Variants in PTPRT observed in about 807,000 individuals in gnomAD.
PTPRT encodes protein tyrosine phosphatase receptor type T, also known as receptor-type tyrosine-protein phosphatase T.
In PTPRT, 56 loss-of-function variants were observed where a neutral mutation model predicts 176.8. The ratio of observed to expected loss-of-function variants is 0.32; its 90% confidence interval spans 0.26 to 0.40. The LOEUF is 0.40. PTPRT is among the 10% of genes least tolerant of loss of function. The pLI is 1.00. For synonymous variants in PTPRT, 783 were observed against 739.0 expected, an observed-to-expected ratio of 1.06 and a Z score of -0.96; for missense variants, 1,540 against 1,908.2, an observed-to-expected ratio of 0.81 and a Z score of 3.60.
At position 42,073,002 on chromosome 20, in the gene PTPRT, T is replaced by C. The variant is rs1052604174; in HGVS notation, c.*7877A>G. ...AAAAAAAACATTGACAGCACAGTGC[T>C]GGCTTTTTTAAAAAGTTGATTTATT... On this transcript the variant is annotated 3_prime_UTR_variant, in exon 31 of 31. Coordinates refer to ENST00000373187, the MANE Select transcript of PTPRT (RefSeq NM_007050.6). The C allele has an allele frequency of 1.8e-5, 4 of 223,748 alleles. No homozygotes were observed. The highest frequency in any genetic ancestry group is 3.6e-5 in the Non-Finnish European group (4 of 111,814). The allele number at this position is 223,748 out of a possible 1,614,324, so 13.9% of individuals were successfully genotyped here.
chr20:42,146,774 T>C (rs949373768), intron 17 of PTPRT, among the ~76,000 whole-genome samples: 1 of 152,202 alleles, frequency 6.6e-6, no homozygotes, highest in Admixed American at 6.5e-5. Flanking sequence ...CAGGATAAAT[T>C]TCAAACTCTT....
At chr20:43,091,688 C>A (rs2011879198) in intron 1 of PTPRT, among the ~76,000 whole-genome samples, 1 of 151,766 alleles carries the variant, frequency 6.6e-6, no homozygotes, top group African/African-American at 2.4e-5. Context: ...AAAAGGAATA[C>A]AAGAATAAAA....
At chr20:42,579,110 C>T (rs966683112) in intron 7 of PTPRT, among the ~76,000 whole-genome samples, 2 of 142,970 alleles carry the variant, frequency 1.4e-5, no homozygotes, top group Admixed American at 7.5e-5. Flanking sequence ...TTCCTGTGTC[C>T]ATGTGTTCTC....
At chr20:42,336,426 T>G (rs2058040423) in intron 11 of PTPRT, among the ~76,000 whole-genome samples, 1 of 151,708 alleles carries the variant, frequency 6.6e-6, no homozygotes, top group Non-Finnish European at 1.5e-5. Flanking sequence ...GGCACAGGAC[T>G]GGGGGAGGGG....
intron 7 of PTPRT, among the ~76,000 whole-genome samples, chr20:42,530,751 C>T (rs560059856): frequency 2.0e-5 from 3 of 152,294 alleles, no homozygotes; most frequent in East Asian, 1.9e-4. Flanking sequence ...GGGAATAGAG[C>T]GGGGAGATTC....
At chr20:42,048,908 G>A in the PTPRT span, among the ~76,000 whole-genome samples, 1 of 152,148 alleles carries the variant, frequency 6.6e-6, no homozygotes, top group Middle Eastern at 3.2e-3. Context: ...TGCAACCTCT[G>A]CCTCCCGGGT....
chr20:42,621,144 A>G (rs184308346), intron 7 of PTPRT, among the ~76,000 whole-genome samples: 1 of 152,216 alleles, frequency 6.6e-6, no homozygotes, highest in East Asian at 1.9e-4. Flanking sequence ...GCCAAACCAT[A>G]TCACCTGCCT....
rs192983568 is a variant in PTPRT at position 42,115,334 on chromosome 20, C to A, written c.2983-19G>T. The A allele has an allele frequency of 6.5e-7, 1 of 1,543,148 alleles. No homozygotes were observed. Among genetic ancestry groups the A allele is most frequent in the Non-Finnish European group, 9.0e-7 (1 of 1,115,972 alleles). On this transcript the variant is annotated intron_variant, in intron 21 of 30. Transcript: ENST00000373187. ...ATTTCACCTGTGGCCAAGTGAGAGA[C>A]AGAGACAGAGACAGAACAGAGACAA...
intron 2 of PTPRT, 142 bp from the exon 3 acceptor site, chr20:42,791,608 C>A (rs2077377469): frequency 1.2e-6 from 1 of 814,810 alleles, no homozygotes; most frequent in Non-Finnish European, 1.9e-6. Flanking sequence ...GGTGACCCTG[C>A]AAAAGCCACA....
Position 42,784,314 on chromosome 20 carries a change from A to G in PTPRT, c.487-4015T>C, listed in dbSNP as rs555070168. ...AATCTTTTATAGTTCTTGAGCAGAA[A>G]ATCTGCATGGCAAAAATTTCAAGGG... On this transcript the variant is annotated intron_variant, in intron 3 of 30. Coordinates refer to ENST00000373187, the MANE Select transcript of PTPRT (RefSeq NM_007050.6). Among the ~76,000 whole-genome samples the G allele has an allele frequency of 2.0e-5, 3 of 152,352 alleles. No homozygotes were observed. The East Asian group carries it at 5.8e-4, about 29-fold the overall frequency.
At chr20:42,913,229 C>T (rs566216606) in intron 1 of PTPRT, among the ~76,000 whole-genome samples, 2 of 152,084 alleles carry the variant, frequency 1.3e-5, no homozygotes, top group East Asian at 1.9e-4. Context: ...GTGGCTTAAA[C>T]GACAGAAAGG....
intron 12 of PTPRT, among the ~76,000 whole-genome samples, chr20:42,309,628 C>T (rs1444548384): frequency 6.6e-6 from 1 of 152,094 alleles, no homozygotes; most frequent in Non-Finnish European, 1.5e-5. Context: ...TTATTTAATC[C>T]TCAAACAGAC....
At chr20:42,337,922 G>T (rs1263214095) in intron 11 of PTPRT, among the ~76,000 whole-genome samples, 1 of 152,128 alleles carries the variant, frequency 6.6e-6, no homozygotes, top group Non-Finnish European at 1.5e-5. Context: ...TGTGATGTCT[G>T]TACCAGCTCC....
intron 7 of PTPRT, among the ~76,000 whole-genome samples, chr20:42,575,639 C>T (rs4812610): frequency 0.98 from 149,246 of 152,256 alleles, 73,166 homozygotes; most frequent in Middle Eastern, 1. Flanking sequence ...GAACATTCAC[C>T]CTACTCAACT....
At chr20:43,144,863 C>T (rs1288863625) in intron 1 of PTPRT, among the ~76,000 whole-genome samples, 1 of 152,240 alleles carries the variant, frequency 6.6e-6, no homozygotes, top group East Asian at 1.9e-4. Flanking sequence ...GCAGCTTCCA[C>T]TGCTCTGGGA....
chr20:42,760,481 T>C lies in PTPRT; in HGVS notation c.685-3845A>G, dbSNP rs556140708. On this transcript the variant is annotated intron_variant, in intron 5 of 30. Coordinates refer to ENST00000373187, the MANE Select transcript of PTPRT (RefSeq NM_007050.6). ...TGTGAGCATAGCTGTAATTAAGCAC[T>C]GCTTCCTATGAAATGTCACTCCATC... is the stretch of plus-strand genomic sequence containing the variant. Among the ~76,000 whole-genome samples, 198 of 149,978 alleles carry C rather than the reference T, an allele frequency of 1.3e-3. 1 individual carries two copies. The highest frequency in any genetic ancestry group is 4.5e-3 in the African/African-American group (184 of 40,908).
At chr20:42,936,770 G>C (rs1452044465) in intron 1 of PTPRT, among the ~76,000 whole-genome samples, 2 of 152,210 alleles carry the variant, frequency 1.3e-5, no homozygotes, top group Non-Finnish European at 2.9e-5. Context: ...GTTAGATGTG[G>C]AGTGTGAAGG....
chr20:42,937,246 C>A (rs206645), intron 1 of PTPRT, among the ~76,000 whole-genome samples: 19 of 152,212 alleles, frequency 1.2e-4, no homozygotes, highest in Non-Finnish European at 2.4e-4. Flanking sequence ...ACTGCTCCTA[C>A]GTTATCCACA....
chr20:42,737,297 C>T (rs573307978), intron 6 of PTPRT, among the ~76,000 whole-genome samples: 63 of 152,084 alleles, frequency 4.1e-4, no homozygotes, highest in Admixed American at 9.8e-4. Context: ...CATTTATAAG[C>T]CAAGGAACAC....
Sources: gnomAD v4.1 joint callset for allele counts (sites outside exome capture counted in the v4.1 genomes callset) on GRCh38, gnomAD v4.1.1 for gene constraint, MANE v1.5 for transcripts, NCBI Gene and HGNC (gene_info 2026-07-23, HGNC 2026-07-21) for gene names.